GAS7: variants seen among roughly 807,000 people sequenced by gnomAD.
GAS7 encodes growth arrest-specific protein 7.
GAS7 carries 28 observed loss-of-function variants against 71.1 expected under a neutral mutation model. The ratio of observed to expected loss-of-function variants is 0.39; its 90% CI spans 0.29 to 0.54. GAS7 has a LOEUF of 0.54. Among genes scored for constraint, GAS7 ranks in the 20% least tolerant of loss-of-function variants. The pLI is 0.62. For synonymous variants in GAS7, 258 were observed against 245.8 expected (o/e 1.05, Z -0.46); for missense variants, 436 against 627.8 (o/e 0.69, Z 3.27).
At chr17:9,942,585 C>G (rs2068643017) in intron 7 of GAS7, among the ~76,000 whole-genome samples, 1 of 152,178 alleles carries the variant, frequency 6.6e-6, no homozygotes, top group Non-Finnish European at 1.5e-5. Flanking sequence ...GAGGAGGGTT[C>G]AACATCTCCT....
chr17:10,126,448 G>A (rs960534740), intron 1 of GAS7, among the ~76,000 whole-genome samples: 29 of 146,446 alleles, frequency 2.0e-4, no homozygotes, highest in African/African-American at 6.1e-4. Flanking sequence ...ACACACGCGC[G>A]CGCGCACACG....
At position 10,034,271 on chromosome 17, in the gene GAS7, A is replaced by G; in HGVS notation, c.184-14374T>C. ...CGGAAGTTGGACCAGATGGTCTCCAAGGGCTTTCATATATACATATATATA... is the reference window on the plus strand; with the variant it reads ...CGGAAGTTGGACCAGATGGTCTCCAGGGGCTTTCATATATACATATATATA... On this transcript the variant is annotated intron_variant, in intron 1 of 13. Coordinates refer to ENST00000432992, the MANE Select transcript of GAS7 (RefSeq NM_201433.2). This position sits in a 1 kb window ranked among gnomAD's most constrained non-coding sequence, Gnocchi z 4.4. The G allele has an allele frequency of 3.1e-6, 3 of 966,958 alleles. No homozygotes were observed. Among genetic ancestry groups the G allele is most frequent in the Non-Finnish European group, 3.7e-6 (3 of 813,342 alleles). The allele number at this position is 966,958 out of a possible 1,614,324, so 59.9% of individuals were successfully genotyped here. A position where few individuals can be genotyped will look rare whatever the true frequency, so the allele number is the denominator to read the frequency against.
intron 1 of GAS7, among the ~76,000 whole-genome samples, chr17:10,105,309 C>T (rs2073746531): frequency 6.6e-6 from 1 of 152,024 alleles, no homozygotes. Flanking sequence ...CCACAAACAC[C>T]GGCCCCTCCT....
At chr17:10,121,754 A>C (rs2073906038) in intron 1 of GAS7, among the ~76,000 whole-genome samples, 1 of 152,150 alleles carries the variant, frequency 6.6e-6, no homozygotes, top group South Asian at 2.1e-4. Flanking sequence ...ATGCAACCTC[A>C]GACCACCAAG....
At chr17:9,925,443 A>G (rs762790517) in intron 11 of GAS7, 33 bp downstream of exon 11, 9 of 1,612,868 alleles carry the variant, frequency 5.6e-6, no homozygotes, top group Non-Finnish European at 6.8e-6. Context: ...TTCTGTGTGC[A>G]CTGACCAGGC....
intron 5 of GAS7, among the ~76,000 whole-genome samples, chr17:9,948,228 G>A (rs1387405871): frequency 6.6e-6 from 1 of 152,226 alleles, no homozygotes; most frequent in Non-Finnish European, 1.5e-5. Flanking sequence ...AGGGTCACCT[G>A]TATAATACAC....
intron 1 of GAS7, 117 bp downstream of exon 1, chr17:10,198,090 GC>G (rs763540602): frequency 1.1e-6 from 1 of 939,776 alleles, no homozygotes; most frequent in Non-Finnish European, 1.6e-6. Flanking sequence ...GGCAAGGGCT[GC>G]CCCCCGGGGC....
intron 1 of GAS7, among the ~76,000 whole-genome samples, chr17:10,020,849 G>A (rs2072239086): frequency 6.6e-6 from 1 of 152,166 alleles, no homozygotes; most frequent in African/African-American, 2.4e-5. Context: ...GGAGGCGGAG[G>A]TTGCAGTGAG....
At chr17:10,086,445 C>T (rs1366546950) in intron 1 of GAS7, among the ~76,000 whole-genome samples, 3 of 152,140 alleles carry the variant, frequency 2.0e-5, no homozygotes, top group Non-Finnish European at 4.4e-5. Flanking sequence ...CCGGCATTCC[C>T]GATCCTTGGC....
intron 1 of GAS7, among the ~76,000 whole-genome samples, chr17:10,173,707 G>A (rs1440258334): frequency 6.6e-6 from 1 of 151,484 alleles, no homozygotes; most frequent in Non-Finnish European, 1.5e-5. Context: ...GGGGGAGCTT[G>A]TAGTGAGCCG....
At chr17:10,085,795 C>G (rs1372677259) in intron 1 of GAS7, among the ~76,000 whole-genome samples, 1 of 151,782 alleles carries the variant, frequency 6.6e-6, no homozygotes, top group Non-Finnish European at 1.5e-5. Context: ...GTCCTTCCAA[C>G]AGCCTAGTAA....
At chr17:9,962,865 C>T (rs1291272871) in intron 4 of GAS7, among the ~76,000 whole-genome samples, 1 of 152,038 alleles carries the variant, frequency 6.6e-6, no homozygotes, top group Non-Finnish European at 1.5e-5. Flanking sequence ...GGGTGCCAAC[C>T]TGGGTGGTTG....
At chr17:10,013,069 C>T (rs1019283786) in intron 2 of GAS7, among the ~76,000 whole-genome samples, 8 of 149,600 alleles carry the variant, frequency 5.3e-5, no homozygotes, top group Admixed American at 4.7e-4. Context: ...TGCCACTGCA[C>T]TCCAGCCTGG....
chr17:10,060,428 C>T (rs1042324305), intron 1 of GAS7, among the ~76,000 whole-genome samples: 3 of 152,130 alleles, frequency 2.0e-5, no homozygotes, highest in Non-Finnish European at 4.4e-5. Flanking sequence ...TTTCTACATT[C>T]CTCTTGGATA....
chr17:10,015,494 T>C (rs1320418616), intron 2 of GAS7, among the ~76,000 whole-genome samples: 1 of 152,168 alleles, frequency 6.6e-6, no homozygotes, highest in Non-Finnish European at 1.5e-5. Flanking sequence ...TAGATGCAGC[T>C]GGCCCAGCAG....
intron 1 of GAS7, among the ~76,000 whole-genome samples, chr17:10,024,945 T>C (rs2072409849): frequency 6.6e-6 from 1 of 152,204 alleles, no homozygotes; most frequent in Non-Finnish European, 1.5e-5. Context: ...ATATCTATAA[T>C]GCATGCCAGA....
At chr17:9,986,590 G>A (rs1190004685) in intron 2 of GAS7, among the ~76,000 whole-genome samples, 1 of 152,204 alleles carries the variant, frequency 6.6e-6, no homozygotes, top group East Asian at 1.9e-4. Flanking sequence ...GGGGGCTGCA[G>A]GAGGCTCTGA....
intron 1 of GAS7, among the ~76,000 whole-genome samples, chr17:10,106,521 C>T (rs1234139744): frequency 1.3e-5 from 2 of 152,222 alleles, no homozygotes; most frequent in East Asian, 3.8e-4. Flanking sequence ...GAGTCTGAAT[C>T]TCTGTACTTT....
At chr17:10,025,912 G>T (rs1407209521) in intron 1 of GAS7, among the ~76,000 whole-genome samples, 1 of 152,220 alleles carries the variant, frequency 6.6e-6, no homozygotes, top group Non-Finnish European at 1.5e-5. Flanking sequence ...AAAAGACAGT[G>T]TTGGGCTGCA....
Sources: allele counts gnomAD v4.1 joint callset (sites outside exome capture counted in the v4.1 genomes callset), GRCh38; gene constraint gnomAD v4.1.1; non-coding constraint Gnocchi (gnomAD v3.1); transcripts MANE v1.5; gene names NCBI Gene and HGNC (gene_info 2026-07-23, HGNC 2026-07-21).